The following TTC28 variants were observed in gnomAD, a reference collection of about 807,000 sequenced individuals.
TTC28 encodes the protein tetratricopeptide repeat domain 28, also known as tetratricopeptide repeat protein 28.
A neutral mutation model predicts 198.0 loss-of-function variants in TTC28; 61 were observed. That is an observed-to-expected ratio of 0.31 (90% CI 0.25 to 0.38). TTC28 has a LOEUF of 0.38. TTC28 is among the 10% of genes least tolerant of loss of function. TTC28 has a pLI of 1.00. For missense variants in TTC28, 2,678 were observed against 3,164.0 expected (o/e 0.85, Z 3.69); for synonymous variants, 1,171 against 1,297.8 (o/e 0.90, Z 2.10).
intron 5 of TTC28, among the ~76,000 whole-genome samples, chr22:28,180,826 T>A (rs1429613096): frequency 6.6e-6 from 1 of 152,164 alleles, no homozygotes; most frequent in Non-Finnish European, 1.5e-5. Flanking sequence ...AACAGGGAAA[T>A]TTTTAATTAC....
At position 28,624,808 on chromosome 22, in the gene TTC28, G is replaced by A. The variant is rs559992400; in HGVS notation, c.381+4744C>T. ...TGAGAAAAAAAAAGGCTACAGATCA[G>A]TATCTCTCTTAAACATAGATGCAAA... On this transcript the variant is annotated intron_variant, in intron 2 of 22. Coordinates refer to ENST00000397906, the MANE Select transcript of TTC28 (RefSeq NM_001145418.2). Among the ~76,000 whole-genome samples, 293 of 152,118 alleles carry A rather than the reference G, an allele frequency of 1.9e-3. 1 individual carries two copies. The highest frequency in any genetic ancestry group is 3.4e-3 in the Non-Finnish European group (230 of 67,972).
At chr22:28,001,686 ATGGGGCATGGGCCGAGTTGCAGCCC>A in intron 14 of TTC28, 133 bp from the exon 15 acceptor site, 1 of 1,063,174 alleles carries the variant, frequency 9.4e-7, no homozygotes, top group Non-Finnish European at 1.3e-6. Flanking sequence ...GTGGGGCGCC[ATGGGGCATGGGCCGAGTTGCAGCCC>A]TGCAGGAGCG....
At chr22:28,176,640 T>C (rs1923190812) in intron 5 of TTC28, among the ~76,000 whole-genome samples, 1 of 152,220 alleles carries the variant, frequency 6.6e-6, no homozygotes, top group African/African-American at 2.4e-5. Context: ...TGGATTATTA[T>C]ACAACATAGA....
At chr22:28,590,196 C>G (rs1402562860) in intron 2 of TTC28, among the ~76,000 whole-genome samples, 1 of 149,118 alleles carries the variant, frequency 6.7e-6, no homozygotes, top group Non-Finnish European at 1.5e-5. Context: ...GGCGCAATCT[C>G]GGCTCACTGC....
chr22:28,397,780 G>A (rs894488538), intron 2 of TTC28, among the ~76,000 whole-genome samples: 7 of 152,064 alleles, frequency 4.6e-5, no homozygotes, highest in East Asian at 3.9e-4. Context: ...TTTTGATCCC[G>A]CATTCTATGT....
chr22:28,432,064 T>C (rs1317469863), intron 2 of TTC28, among the ~76,000 whole-genome samples: 1 of 152,060 alleles, frequency 6.6e-6, no homozygotes, highest in East Asian at 1.9e-4. Flanking sequence ...GGTGGGCGGA[T>C]CACGAAGTCA....
chr22:28,267,518 C>T (rs527291369), intron 5 of TTC28, among the ~76,000 whole-genome samples: 63 of 152,230 alleles, frequency 4.1e-4, no homozygotes, highest in Middle Eastern at 3.4e-3. Context: ...AAGTCACTGC[C>T]GTCTTTTGAT....
chr22:28,251,509 A>C (rs1472878863), intron 5 of TTC28, among the ~76,000 whole-genome samples: 1 of 152,212 alleles, frequency 6.6e-6, no homozygotes, highest in Non-Finnish European at 1.5e-5. Flanking sequence ...AAAACTGGAA[A>C]TGTGAGAACT....
chr22:28,181,520 T>C (rs1923694945), intron 5 of TTC28, among the ~76,000 whole-genome samples: 1 of 152,222 alleles, frequency 6.6e-6, no homozygotes, highest in Non-Finnish European at 1.5e-5. Flanking sequence ...CCAGAATTTA[T>C]AATGATTTCA....
At chr22:28,092,225 C>A (rs1195190681) in intron 12 of TTC28, among the ~76,000 whole-genome samples, 1 of 152,176 alleles carries the variant, frequency 6.6e-6, no homozygotes, top group Non-Finnish European at 1.5e-5. Context: ...AAGAGGCAAA[C>A]CCTCTTTGGG....
intron 2 of TTC28, among the ~76,000 whole-genome samples, chr22:28,583,286 A>G (rs935981948): frequency 6.6e-6 from 1 of 152,252 alleles, no homozygotes; most frequent in African/African-American, 2.4e-5. Context: ...CAGGATAAAT[A>G]GAAACTGAAA....
intron 1 of TTC28, among the ~76,000 whole-genome samples, chr22:28,646,980 T>C (rs1224772936): frequency 6.6e-6 from 1 of 152,204 alleles, no homozygotes; most frequent in Non-Finnish European, 1.5e-5. Flanking sequence ...GGACTTCAAA[T>C]TGTACTATAA....
chr22:28,327,099 G>C (rs1331902379), intron 2 of TTC28, among the ~76,000 whole-genome samples: 1 of 151,592 alleles, frequency 6.6e-6, no homozygotes, highest in Non-Finnish European at 1.5e-5. Flanking sequence ...CACTGTGGAA[G>C]AAGAGTTACT....
At chr22:28,237,753 T>C (rs1929356789) in intron 5 of TTC28, among the ~76,000 whole-genome samples, 1 of 152,190 alleles carries the variant, frequency 6.6e-6, no homozygotes, top group Non-Finnish European at 1.5e-5. Flanking sequence ...GGTATCATTT[T>C]CCCTCCACCT....
chr22:28,603,391 T>G (rs1287086203), intron 2 of TTC28, among the ~76,000 whole-genome samples: 1 of 151,228 alleles, frequency 6.6e-6, no homozygotes, highest in Non-Finnish European at 1.5e-5. Context: ...TTTTTTGTTT[T>G]TTGTTTTGTT....
rs113973160 is a variant in TTC28, at chr22:28,095,396, T to C, written c.3766+794A>G. 1.9e-3 allele frequency among the ~76,000 whole-genome samples: 296 copies of C among 151,932 alleles called. 1 individual carries two copies. The highest frequency in any genetic ancestry group is 3.4e-3 in the Non-Finnish European group (232 of 67,934). ...TTTTTTTTTTTTTAAATCAAAGGCATAGAAACATAATCAAGAAAATCTTGT... is the reference window on the plus strand; with the variant it reads ...TTTTTTTTTTTTTAAATCAAAGGCACAGAAACATAATCAAGAAAATCTTGT... On this transcript the variant is annotated intron_variant, in intron 11 of 22. Coordinates refer to ENST00000397906, the MANE Select transcript of TTC28 (RefSeq NM_001145418.2).
At chr22:28,542,855 A>G (rs931870331) in intron 2 of TTC28, among the ~76,000 whole-genome samples, 2 of 152,192 alleles carry the variant, frequency 1.3e-5, no homozygotes, top group African/African-American at 4.8e-5. Context: ...CAATGATAGA[A>G]AAACAAAGTA....
intron 2 of TTC28, among the ~76,000 whole-genome samples, chr22:28,551,597 T>C (rs866799408): frequency 1.3e-5 from 2 of 152,156 alleles, no homozygotes; most frequent in Non-Finnish European, 1.5e-5. Context: ...AAATGTGTTA[T>C]ACCACATAAA....
rs1296842110 is a variant in TTC28 at position 27,979,488 on chromosome 22, A to AG, written c.*2732_*2733insC. The AG allele has an allele frequency of 1.3e-5, 2 of 151,932 alleles. No individual in the cohort carries two copies. The highest frequency in any genetic ancestry group is 4.8e-5 in the African/African-American group (2 of 41,326). The allele number at this position is 151,932 out of a possible 1,614,324, so 9.4% of individuals were successfully genotyped here. A position where few individuals can be genotyped will look rare whatever the true frequency, so the allele number is the denominator to read the frequency against. On this transcript the variant is annotated 3_prime_UTR_variant, in exon 23 of 23. Coordinates refer to ENST00000397906, the MANE Select transcript of TTC28 (RefSeq NM_001145418.2). ...GAGCGAGACTCTGTCTCAAAAAAAA[A>AG]AAAAAAGGCCAGGTATTGAATATTT... is the stretch of plus-strand genomic sequence containing the variant.
Sources: allele counts gnomAD v4.1 joint callset (sites outside exome capture counted in the v4.1 genomes callset), GRCh38; gene constraint gnomAD v4.1.1; transcripts MANE v1.5; gene names NCBI Gene and HGNC (gene_info 2026-07-23, HGNC 2026-07-21).